CACNB2: variants seen among roughly 807,000 people sequenced by gnomAD.
CACNB2 encodes calcium voltage-gated channel auxiliary subunit beta 2.
CACNB2 carries 42 observed loss-of-function variants against 73.3 expected under a neutral mutation model. That is an observed-to-expected ratio of 0.57 (90% CI 0.45 to 0.74). The LOEUF (loss-of-function observed/expected upper bound fraction) is 0.74. Among genes scored for constraint, CACNB2 ranks in the 30% least tolerant of loss-of-function variants. The probability of loss-of-function intolerance (pLI) is 0.00; values close to 1 mark genes in which losing one functional copy is unlikely to be tolerated. For synonymous variants in CACNB2, 348 were observed against 310.3 expected (o/e 1.12, Z -1.28); for missense variants, 940 against 853.0 (o/e 1.10, Z -1.27).
In CACNB2 at chr10:18,524,833, T is replaced by C. The variant is rs955235513; in HGVS notation, c.945-2755T>C. On this transcript the variant is annotated intron_variant, in intron 9 of 13. Coordinates refer to ENST00000324631, the MANE Select transcript of CACNB2 (RefSeq NM_201596.3). The stretch of plus-strand genomic sequence containing the variant: ...TGAGCTCAGAAGTTTCAGACCAGCC[T>C]GGGCAACATAATGAGGCCCTGTTTC... Among the ~76,000 whole-genome samples, 4 of 148,278 alleles carry C rather than the reference T, an allele frequency of 2.7e-5. No individual in the cohort carries two copies. The East Asian group carries it at 7.9e-4, about 29-fold the overall frequency.
chr10:18,485,637 C>T (rs1372428944), intron 3 of CACNB2, among the ~76,000 whole-genome samples: 1 of 149,182 alleles, frequency 6.7e-6, no homozygotes, highest in Non-Finnish European at 1.5e-5. Context: ...TCTTGGCTCA[C>T]TGCAACCTCC....
chr10:18,511,226 CCTTT>C (rs1444672810), intron 6 of CACNB2, among the ~76,000 whole-genome samples: 1 of 152,108 alleles, frequency 6.6e-6, no homozygotes, highest in Non-Finnish European at 1.5e-5. Flanking sequence ...TCCATTATTA[CCTTT>C]TTTTTGATAG....
At chr10:18,315,529 C>CATTT (rs869158666) in intron 2 of CACNB2, among the ~76,000 whole-genome samples, 3 of 65,580 alleles carry the variant, frequency 4.6e-5, no homozygotes, top group African/African-American at 6.3e-5. Context: ...AAAAAAAAAA[C>CATTT]TTTTTTTTTT....
At chr10:18,286,229 T>C (rs1227140353) in intron 2 of CACNB2, among the ~76,000 whole-genome samples, 2 of 152,086 alleles carry the variant, frequency 1.3e-5, no homozygotes, top group African/African-American at 4.8e-5. Flanking sequence ...TTAACATTAC[T>C]TATGCTGCCG....
At chr10:18,335,006 G>A in intron 2 of CACNB2, among the ~76,000 whole-genome samples, 1 of 151,364 alleles carries the variant, frequency 6.6e-6, no homozygotes. Flanking sequence ...TTCATAACTA[G>A]GAAAAAAACC....
chr10:18,414,888 C>T (rs1299730284), intron 3 of CACNB2, among the ~76,000 whole-genome samples: 1 of 151,908 alleles, frequency 6.6e-6, no homozygotes, highest in African/African-American at 2.4e-5. Flanking sequence ...TAACAGGGAA[C>T]GACATGAAGA....
intron 2 of CACNB2, among the ~76,000 whole-genome samples, chr10:18,271,969 G>C (rs956021841): frequency 1.3e-5 from 2 of 152,092 alleles, no homozygotes; most frequent in Admixed American, 6.6e-5. Flanking sequence ...AATAAAGAGA[G>C]TAAGGGACAA....
intron 3 of CACNB2, among the ~76,000 whole-genome samples, chr10:18,473,662 G>A (rs781387151): frequency 1.3e-4 from 20 of 152,192 alleles, no homozygotes; most frequent in Admixed American, 6.5e-5. Flanking sequence ...AGAAATGCGT[G>A]CCTTCTCTTA....
intron 3 of CACNB2, among the ~76,000 whole-genome samples, chr10:18,439,271 A>C (rs1176063110): frequency 6.6e-6 from 1 of 152,176 alleles, no homozygotes; most frequent in Non-Finnish European, 1.5e-5. Flanking sequence ...ATGGAAGATG[A>C]GGGTTATTTT....
Position 18,347,411 on chromosome 10 carries a change from G to C in CACNB2, c.214-54513G>C, listed in dbSNP as rs367987883. ...AGACCAAGTTGCCCAGGCTTGTCAC[G>C]AACTCCTGAGCTCAGGCAATCCGCC... On this transcript the variant is annotated intron_variant, in intron 2 of 13. Transcript: ENST00000324631. 9.5e-5 allele frequency among the ~76,000 whole-genome samples: 13 copies of C among 137,370 alleles called. No individual in the cohort carries two copies. The East Asian group carries it at 1.9e-3, about 20-fold the overall frequency. 90.1% of individuals were successfully genotyped at this position (137,370 alleles called of 152,430 possible). A position where few individuals can be genotyped will look rare whatever the true frequency, so the allele number is the denominator to read the frequency against.
intron 3 of CACNB2, among the ~76,000 whole-genome samples, chr10:18,421,414 C>T (rs1258062762): frequency 6.6e-6 from 1 of 151,936 alleles, no homozygotes; most frequent in African/African-American, 2.4e-5. Flanking sequence ...TCTCTGGCCT[C>T]AGCCTCCGGA....
At chr10:18,336,902 C>T (rs920744625) in intron 2 of CACNB2, among the ~76,000 whole-genome samples, 2 of 152,008 alleles carry the variant, frequency 1.3e-5, no homozygotes, top group Non-Finnish European at 2.9e-5. Flanking sequence ...TAATACCAAC[C>T]CATTGTAGAA....
intron 6 of CACNB2, among the ~76,000 whole-genome samples, chr10:18,511,451 T>C (rs2050778528): frequency 6.6e-6 from 1 of 152,242 alleles, no homozygotes; most frequent in Non-Finnish European, 1.5e-5. Context: ...TCAGATGATC[T>C]TCCATCCTTT....
At chr10:18,190,130 C>G (rs1054883135) in intron 2 of CACNB2, among the ~76,000 whole-genome samples, 2 of 152,134 alleles carry the variant, frequency 1.3e-5, no homozygotes, top group African/African-American at 4.8e-5. Flanking sequence ...CCTTGAGACC[C>G]CTGGCTAAAT....
chr10:18,518,985 AC>A lies in CACNB2; in HGVS notation c.944+18del. 1 of 1,612,480 alleles carries A rather than the reference AC, an allele frequency of 6.2e-7. No homozygotes were observed. Among genetic ancestry groups the A allele is most frequent in the Non-Finnish European group, 8.5e-7 (1 of 1,178,588 alleles). On this transcript the variant is annotated intron_variant, in intron 9 of 13. Transcript: ENST00000324631. ...TGAAGGGCGGTGAGTATTTCAGCAT[AC>A]TGGGTTTTGTGGATTTTGTCTTAAA...
chr10:18,140,809 C>T lies in CACNB2; in HGVS notation c.73C>T (p.Leu25=), dbSNP rs775097809. ...AAVAQEIQME[L]LENVAPAGAL... is the part of the protein sequence containing the mutation. ...GGTGGCGCAGGAGATCCAGATGGAA[C>T]TGCTAGAGAACGTGGCTCCCGCGGG... The change falls in exon 1 of 14, where the codon CTG becomes TTG. Residue 25 remains leucine, a synonymous_variant. Transcript: ENST00000324631. 1 of 1,604,582 alleles carries T rather than the reference C, an allele frequency of 6.2e-7. No individual in the cohort carries two copies. Among genetic ancestry groups the T allele is most frequent in the Non-Finnish European group, 8.5e-7 (1 of 1,177,008 alleles).
chr10:18,219,620 T>C (rs2035648188), intron 2 of CACNB2, among the ~76,000 whole-genome samples: 2 of 152,136 alleles, frequency 1.3e-5, no homozygotes, highest in African/African-American at 4.8e-5. Context: ...AAACAGCCAA[T>C]TGGGGCCTCC....
intron 2 of CACNB2, among the ~76,000 whole-genome samples, chr10:18,272,653 T>TC (rs1554781662): frequency 6.6e-6 from 1 of 151,850 alleles, no homozygotes; most frequent in Admixed American, 6.6e-5. Context: ...GAACAAGTCT[T>TC]ACAATATCTG....
chr10:18,260,481 G>C, intron 2 of CACNB2: 2 of 985,446 alleles, frequency 2.0e-6, no homozygotes, highest in Non-Finnish European at 2.4e-6. Context: ...CGCAGTGCTT[G>C]AGCGAGTCAG....
Sources: allele counts gnomAD v4.1 joint callset (sites outside exome capture counted in the v4.1 genomes callset), GRCh38; gene constraint gnomAD v4.1.1; transcripts MANE v1.5; gene names NCBI Gene and HGNC (gene_info 2026-07-23, HGNC 2026-07-21).